The following IPO11 variants were observed in gnomAD, a reference collection of about 807,000 sequenced individuals.
IPO11 encodes the protein importin 11.
A neutral mutation model predicts 143.2 loss-of-function variants in IPO11; 66 were observed. The observed-to-expected ratio is 0.46, with a 90% confidence interval of 0.38 to 0.57. The LOEUF is 0.57. Among genes scored for constraint, IPO11 ranks in the 20% least tolerant of loss-of-function variants. The pLI is 0.00. For missense variants in IPO11, 1,026 were observed against 1,141.0 expected, an observed-to-expected ratio of 0.90 and a Z score of 1.45; for synonymous variants, 385 against 377.8, an observed-to-expected ratio of 1.02 and a Z score of -0.22.
chr5:62,455,866 A>C (rs1001581040), intron 5 of IPO11, among the ~76,000 whole-genome samples: 2 of 151,988 alleles, frequency 1.3e-5, no homozygotes, highest in African/African-American at 4.8e-5. Context: ...CTAGGATTAC[A>C]GACATGCGCC....
intron 20 of IPO11, among the ~76,000 whole-genome samples, chr5:62,521,412 C>A (rs1049723828): frequency 5.3e-5 from 8 of 152,150 alleles, no homozygotes; most frequent in Non-Finnish European, 7.4e-5. Flanking sequence ...CTTAAGACTT[C>A]CAAAATTGCT....
At chr5:62,459,557 C>CTT (rs541435835) in intron 5 of IPO11, among the ~76,000 whole-genome samples, 4 of 146,114 alleles carry the variant, frequency 2.7e-5, no homozygotes, top group African/African-American at 5.0e-5. Context: ...ATACTTAAGC[C>CTT]TTTTTTTTTT....
intron 27 of IPO11, among the ~76,000 whole-genome samples, chr5:62,562,631 A>G (rs1255095906): frequency 1.3e-5 from 2 of 152,132 alleles, no homozygotes; most frequent in Non-Finnish European, 2.9e-5. Context: ...CTAATAGACC[A>G]TGGGCTGGTA....
chr5:62,418,047 A>G (rs1016069232), intron 1 of IPO11, among the ~76,000 whole-genome samples: 5 of 152,162 alleles, frequency 3.3e-5, no homozygotes, highest in Admixed American at 6.5e-5. Flanking sequence ...CTAAAGTGCA[A>G]TGGTGCAATC....
At chr5:62,609,304 C>G (rs1399909512) in intron 29 of IPO11, among the ~76,000 whole-genome samples, 5 of 152,222 alleles carry the variant, frequency 3.3e-5, no homozygotes, top group African/African-American at 1.2e-4. Context: ...CTCATTCTTG[C>G]AGTTTCACTT....
chr5:62,506,191 CTTTCA>C, intron 18 of IPO11, 45 bp from the exon 19 acceptor site: 1 of 993,380 alleles, frequency 1.0e-6, no homozygotes, highest in Non-Finnish European at 1.5e-6. Context: ...ATGTAGAGGT[CTTTCA>C]TTTCTATTAT....
chr5:62,616,154 A>G (rs1746125709), intron 29 of IPO11, among the ~76,000 whole-genome samples: 1 of 152,180 alleles, frequency 6.6e-6, no homozygotes, highest in Non-Finnish European at 1.5e-5. Context: ...CTGTGGCCCA[A>G]GGACAGCTAA....
rs992184158 is a variant in IPO11 at position 62,412,820 on chromosome 5, A to C, written c.-116A>C. On this transcript the variant is annotated 5_prime_UTR_variant, in exon 1 of 30. Transcript: ENST00000325324. ...GTTCCTAGAAGCCGCTTTCGGCATCAGTAGGCGGCGGCGTGGGGTCTGGCA... is the reference window on the plus strand; with the variant it reads ...GTTCCTAGAAGCCGCTTTCGGCATCCGTAGGCGGCGGCGTGGGGTCTGGCA... 1.3e-5 allele frequency: 2 copies of C among 152,732 alleles called. No homozygotes were observed. Among genetic ancestry groups the C allele is most frequent in the African/African-American group, 4.8e-5 (2 of 41,468 alleles). The allele number at this position is 152,732 out of a possible 1,614,324, so 9.5% of individuals were successfully genotyped here.
At chr5:62,467,104 A>T in intron 5 of IPO11, 27 bp from the exon 6 acceptor site, 1 of 1,595,052 alleles carries the variant, frequency 6.3e-7, no homozygotes, top group Non-Finnish European at 8.5e-7. Context: ...ATACACTATG[A>T]ATAAATTTGT....
intron 3 of IPO11, among the ~76,000 whole-genome samples, chr5:62,448,132 G>A (rs940652896): frequency 6.6e-6 from 1 of 151,870 alleles, no homozygotes; most frequent in Non-Finnish European, 1.5e-5. Flanking sequence ...ACTCCCAGTG[G>A]ATGCCTGAAA....
chr5:62,484,608 T>C (rs1046162598), intron 11 of IPO11, among the ~76,000 whole-genome samples: 1 of 150,974 alleles, frequency 6.6e-6, no homozygotes, highest in Non-Finnish European at 1.5e-5. Flanking sequence ...TAGTACTAGA[T>C]AGATAAGTAG....
At chr5:62,421,697 A>G (rs1333273460) in intron 1 of IPO11, among the ~76,000 whole-genome samples, 1 of 152,226 alleles carries the variant, frequency 6.6e-6, no homozygotes. Context: ...GGAAAATTAT[A>G]TTTATTTACT....
chr5:62,444,666 C>T (rs967250403), intron 3 of IPO11, among the ~76,000 whole-genome samples: 6 of 151,828 alleles, frequency 4.0e-5, no homozygotes, highest in African/African-American at 1.5e-4. Flanking sequence ...GTCAGGAGTT[C>T]GAGACCAGCC....
intron 3 of IPO11, among the ~76,000 whole-genome samples, chr5:62,445,789 T>C (rs995255050): frequency 6.6e-6 from 1 of 152,192 alleles, no homozygotes; most frequent in South Asian, 2.1e-4. Flanking sequence ...ATTTTTGACT[T>C]ACAACATTTT....
intron 15 of IPO11, among the ~76,000 whole-genome samples, chr5:62,492,635 C>T (rs965567122): frequency 6.6e-6 from 1 of 152,096 alleles, no homozygotes; most frequent in Non-Finnish European, 1.5e-5. Context: ...TCTCTGCTTC[C>T]TGGGCTCAAG....
chr5:62,567,648 C>T (rs539413267), intron 27 of IPO11, among the ~76,000 whole-genome samples: 3 of 149,494 alleles, frequency 2.0e-5, no homozygotes, highest in Admixed American at 6.7e-5. Context: ...CTGCAACCTC[C>T]GCCGCCTGGG....
chr5:62,465,602 A>G (rs1265082023), intron 5 of IPO11, among the ~76,000 whole-genome samples: 1 of 152,220 alleles, frequency 6.6e-6, no homozygotes, highest in African/African-American at 2.4e-5. Context: ...TTTTGGCTGT[A>G]ATAAAACATT....
chr5:62,537,201 A>T lies in IPO11; in HGVS notation c.2170-8A>T, dbSNP rs1199552070. 3 of 1,544,184 alleles carry T rather than the reference A, an allele frequency of 1.9e-6. No homozygotes were observed. In the South Asian group the frequency reaches 3.5e-5, roughly 18 times the overall value. Reference sequence around the variant, plus strand: ...TCTTACATATATTGACTTTTAATTGAATTTCAGACATACGCAGTAGGTCTA... The same window carrying T: ...TCTTACATATATTGACTTTTAATTGTATTTCAGACATACGCAGTAGGTCTA... On this transcript the variant is annotated splice_region_variant and splice_polypyrimidine_tract_variant and intron_variant, in intron 23 of 29. Coordinates refer to ENST00000325324, the MANE Select transcript of IPO11 (RefSeq NM_016338.5).
intron 15 of IPO11, among the ~76,000 whole-genome samples, chr5:62,491,559 C>T: frequency 6.6e-6 from 1 of 151,768 alleles, no homozygotes; most frequent in Admixed American, 6.6e-5. Context: ...AACAACTTTC[C>T]AATTTTAATT....
Sources: gnomAD v4.1 joint callset for allele counts (sites outside exome capture counted in the v4.1 genomes callset) on GRCh38, gnomAD v4.1.1 for gene constraint, MANE v1.5 for transcripts, NCBI Gene and HGNC (gene_info 2026-07-23, HGNC 2026-07-21) for gene names.